VPS35L: variants seen among roughly 807,000 people sequenced by gnomAD.
The protein encoded by VPS35L is VPS35 endosomal protein-sorting factor-like.
Under a neutral mutation model 133.0 loss-of-function variants are expected in VPS35L, and 83 were observed. The ratio of observed to expected loss-of-function variants is 0.62; its 90% CI spans 0.52 to 0.75. The LOEUF (loss-of-function observed/expected upper bound fraction) is 0.75, where lower values mean the gene tolerates loss of function less well. Among genes scored for constraint, VPS35L ranks in the 30% least tolerant of loss-of-function variants. The pLI is 0.00. For missense variants in VPS35L, 1,083 were observed against 1,206.8 expected (o/e 0.90, Z 1.52); for synonymous variants, 423 against 449.9 (o/e 0.94, Z 0.76).
At chr16:19,626,311 T>C in intron 15 of VPS35L, 88 bp downstream of exon 15, 1 of 967,052 alleles carries the variant, frequency 1.0e-6, no homozygotes, top group Non-Finnish European at 1.7e-6. Context: ...GGGTATGAGC[T>C]GAAGAGAGAG....
intron 14 of VPS35L, among the ~76,000 whole-genome samples, chr16:19,620,201 A>G (rs529973322): frequency 6.6e-6 from 1 of 152,296 alleles, no homozygotes; most frequent in South Asian, 2.1e-4. Flanking sequence ...TGTACTTTTG[A>G]AGTGGGTAAA....
chr16:19,599,537 CTT>C (rs10709909), intron 8 of VPS35L, among the ~76,000 whole-genome samples: 145 of 145,504 alleles, frequency 1.0e-3, no homozygotes, highest in African/African-American at 2.3e-3. Flanking sequence ...CTCCAAAATA[CTT>C]TTTTTTTTTT....
At chr16:19,684,473 G>A (rs1191285052) in intron 28 of VPS35L, among the ~76,000 whole-genome samples, 3 of 152,158 alleles carry the variant, frequency 2.0e-5, no homozygotes, top group Non-Finnish European at 4.4e-5. Flanking sequence ...TGGGGACTGA[G>A]GATAAAGATG....
At chr16:19,674,763 A>G (rs1411202905) in intron 27 of VPS35L, among the ~76,000 whole-genome samples, 1 of 152,044 alleles carries the variant, frequency 6.6e-6, no homozygotes, top group Admixed American at 6.6e-5. Context: ...CTCTGATTCT[A>G]TGAATCTATT....
chr16:19,610,577 A>G (rs1972684850), intron 12 of VPS35L, 162 bp downstream of exon 12: 1 of 469,270 alleles, frequency 2.1e-6, no homozygotes. Context: ...GTAGAACTGT[A>G]GGGTTTCTTT....
chr16:19,693,516 C>CA (rs1975778936), intron 29 of VPS35L, among the ~76,000 whole-genome samples: 2 of 152,096 alleles, frequency 1.3e-5, no homozygotes, highest in Admixed American at 6.5e-5. Context: ...TACGGTGACT[C>CA]ACGCCTGTAA....
chr16:19,656,080 T>C (rs1385007254), intron 26 of VPS35L, among the ~76,000 whole-genome samples: 1 of 151,802 alleles, frequency 6.6e-6, no homozygotes, highest in African/African-American at 2.4e-5. Context: ...CTGGCCAACA[T>C]GGTGAAACCC....
intron 8 of VPS35L, among the ~76,000 whole-genome samples, chr16:19,601,288 G>C (rs935943546): frequency 2.2e-4 from 34 of 152,156 alleles, no homozygotes. Flanking sequence ...TTTGTGGGCT[G>C]TTGTGTGTTG....
rs563616251 is a variant in VPS35L at position 19,667,761 on chromosome 16, A to G, written c.2222-1399A>G. ...AAAAAAAAAAAAAAAACCAGAAAAA[A>G]AAATAGTTGTTAATTAGTATGATTA... On this transcript the variant is annotated intron_variant, in intron 26 of 30. Coordinates refer to ENST00000417362, the MANE Select transcript of VPS35L (RefSeq NM_020314.7). 5.6e-4 allele frequency among the ~76,000 whole-genome samples: 85 copies of G among 152,110 alleles called. 1 individual carries two copies. Among genetic ancestry groups the G allele is most frequent in the African/African-American group, 1.9e-3 (80 of 41,518 alleles).
chr16:19,669,025 T>C, intron 26 of VPS35L, 135 bp from the exon 27 acceptor site: 1 of 795,828 alleles, frequency 1.3e-6, no homozygotes, highest in Non-Finnish European at 1.9e-6. Flanking sequence ...TGCAGAAACC[T>C]TCTGCTAGGA....
chr16:19,623,762 TTTATTTATTA>T (rs1404240733), intron 14 of VPS35L, among the ~76,000 whole-genome samples: 11 of 137,154 alleles, frequency 8.0e-5, no homozygotes, highest in South Asian at 7.0e-4. Flanking sequence ...TTTTTACTTA[TTTATTTATTA>T]TTATTATTAT....
intron 27 of VPS35L, among the ~76,000 whole-genome samples, chr16:19,680,982 A>C (rs1975256132): frequency 6.7e-6 from 1 of 149,436 alleles, no homozygotes; most frequent in African/African-American, 2.5e-5. Context: ...ATGGAATGTC[A>C]GGGAAGGCCT....
intron 8 of VPS35L, among the ~76,000 whole-genome samples, chr16:19,600,950 G>C (rs1004848767): frequency 6.6e-6 from 1 of 152,174 alleles, no homozygotes. Flanking sequence ...TTGTGTTTGA[G>C]ACAGGGTCTT....
In VPS35L at chr16:19,613,987, C is replaced by T. The variant is rs187061876; in HGVS notation, c.1024-2127C>T. 2.0e-3 allele frequency among the ~76,000 whole-genome samples: 309 copies of T among 152,108 alleles called. 1 individual carries two copies. The highest frequency in any genetic ancestry group is 7.2e-3 in the African/African-American group (298 of 41,516). Reference sequence around the variant, plus strand: ...AGATATCCAAGCTGCTCATTTGGCCCGATGAGAAGAGAAAAACAGAAAACA... The same window carrying T: ...AGATATCCAAGCTGCTCATTTGGCCTGATGAGAAGAGAAAAACAGAAAACA... On this transcript the variant is annotated intron_variant, in intron 12 of 30. Transcript: ENST00000417362.
At chr16:19,642,511 T>C (rs1306082805) in intron 22 of VPS35L, 35 bp downstream of exon 22, 1 of 1,581,846 alleles carries the variant, frequency 6.3e-7, no homozygotes, top group Non-Finnish European at 8.7e-7. Context: ...ATAACATGGA[T>C]TGGGTCTTAA....
chr16:19,639,896 G>C lies in VPS35L; in HGVS notation c.1699-119G>C. The C allele has an allele frequency of 3.6e-6, 3 of 822,942 alleles. No homozygotes were observed. Among genetic ancestry groups the C allele is most frequent in the Non-Finnish European group, 5.8e-6 (3 of 520,264 alleles). 51.0% of individuals were successfully genotyped at this position (822,942 alleles called of 1,614,324 possible). ...TTTCAGAGGAGTCCTCATCTGACCC[G>C]ACTCAGAGAGATGAACCTCTGTTCT... On this transcript the variant is annotated intron_variant, in intron 20 of 30. Transcript: ENST00000417362. This position sits in a 1 kb window ranked among gnomAD's most constrained non-coding sequence, Gnocchi z 4.1.
chr16:19,632,921 G>A lies in VPS35L; in HGVS notation c.1555-171G>A, dbSNP rs28655924. On this transcript the variant is annotated intron_variant, in intron 18 of 30. Transcript: ENST00000417362. The stretch of plus-strand genomic sequence containing the variant: ...AGGTGTGGGGCTGTGGTACTAGACC[G>A]GGTGATATGAGTGAGATTTCCTCCC... Among the ~76,000 whole-genome samples, 877 of 152,326 alleles carry A rather than the reference G, an allele frequency of 5.8e-3. 10 individuals are homozygous for A. Among genetic ancestry groups the A allele is most frequent in the African/African-American group, 0.02 (817 of 41,562 alleles).
At chr16:19,652,575 A>G (rs545462278) in intron 26 of VPS35L, 1 of 162,734 alleles carries the variant, frequency 6.1e-6, no homozygotes. Context: ...CATTGGACAC[A>G]TATGCATTTA....
At position 19,578,580 on chromosome 16, in the gene VPS35L, C is replaced by T. The variant is rs1028212160; in HGVS notation, c.434-472C>T. On this transcript the variant is annotated intron_variant, in intron 5 of 30. Coordinates refer to ENST00000417362, the MANE Select transcript of VPS35L (RefSeq NM_020314.7). ...ATGCTGGAAGGAGGCACAGCTAGTC[C>T]TGTTTGCTCGAAGAGAGGGCTTTGA... is the stretch of plus-strand genomic sequence containing the variant. The T allele has an allele frequency of 5.3e-5, 18 of 341,620 alleles. No individual in the cohort carries two copies. The Middle Eastern group carries it at 3.2e-3, about 60-fold the overall frequency. The allele number at this position is 341,620 out of a possible 1,614,324, so 21.2% of individuals were successfully genotyped here.
Sources: gnomAD v4.1 joint callset for allele counts (sites outside exome capture counted in the v4.1 genomes callset) on GRCh38, gnomAD v4.1.1 for gene constraint, Gnocchi (gnomAD v3.1) non-coding constraint, MANE v1.5 for transcripts, NCBI Gene and HGNC (gene_info 2026-07-23, HGNC 2026-07-21) for gene names.